ITPR1: variants seen among roughly 807,000 people sequenced by gnomAD.
ITPR1 encodes inositol 1,4,5-trisphosphate receptor type 1, also known as inositol 1,4,5-trisphosphate-gated calcium channel ITPR1.
A neutral mutation model predicts 318.4 loss-of-function variants in ITPR1; 96 were observed. The observed-to-expected ratio is 0.30, with a 90% confidence interval of 0.26 to 0.36. ITPR1 has a LOEUF of 0.36. Among genes scored for constraint, ITPR1 ranks in the 10% least tolerant of loss-of-function variants. ITPR1 has a pLI of 1.00. For missense variants in ITPR1, 2,440 were observed against 3,460.2 expected, an observed-to-expected ratio of 0.71 and a Z score of 7.40; for synonymous variants, 1,312 against 1,289.9, an observed-to-expected ratio of 1.02 and a Z score of -0.37.
intron 52 of ITPR1, among the ~76,000 whole-genome samples, chr3:4,788,589 G>A (rs1225629020): frequency 6.6e-6 from 1 of 152,152 alleles, no homozygotes; most frequent in African/African-American, 2.4e-5. Context: ...AGACTAAATC[G>A]TTTTACAGGC....
chr3:4,765,363 C>T (rs2045746529), intron 44 of ITPR1, among the ~76,000 whole-genome samples: 1 of 152,074 alleles, frequency 6.6e-6, no homozygotes, highest in Non-Finnish European at 1.5e-5. Flanking sequence ...GCAGACAGGA[C>T]AGATGTTTGT....
At chr3:4,585,367 C>T (rs2089787965) in intron 4 of ITPR1, among the ~76,000 whole-genome samples, 1 of 152,152 alleles carries the variant, frequency 6.6e-6, no homozygotes, top group African/African-American at 2.4e-5. Flanking sequence ...CCTTATCAGT[C>T]CTGGTACACA....
intron 44 of ITPR1, among the ~76,000 whole-genome samples, chr3:4,752,148 A>G (rs2044578713): frequency 1.3e-5 from 2 of 152,124 alleles, no homozygotes; most frequent in African/African-American, 4.8e-5. Context: ...TTAAAAATAT[A>G]TATATTTTAT....
At chr3:4,662,282 A>T (rs756873269) in intron 15 of ITPR1, 40 bp downstream of exon 15, 2 of 1,456,300 alleles carry the variant, frequency 1.4e-6, no homozygotes, top group East Asian at 4.9e-5. Flanking sequence ...GCCCTCCCGC[A>T]CTGAGAGTTT....
At chr3:4,738,030 T>C (rs182047544) in intron 44 of ITPR1, among the ~76,000 whole-genome samples, 7 of 152,156 alleles carry the variant, frequency 4.6e-5, no homozygotes, top group South Asian at 4.2e-4. Flanking sequence ...TGGACACTTA[T>C]AGGGGGAACG....
chr3:4,662,414 C>G (rs1012967565), intron 15 of ITPR1, among the ~76,000 whole-genome samples, 172 bp downstream of exon 15: 17 of 152,174 alleles, frequency 1.1e-4, no homozygotes, highest in Non-Finnish European at 1.9e-4. Flanking sequence ...CTTTTGCATT[C>G]ATTTTTTGAG....
At chr3:4,658,006 C>T in intron 12 of ITPR1, 118 bp from the exon 13 acceptor site, 1 of 973,156 alleles carries the variant, frequency 1.0e-6, no homozygotes, top group Non-Finnish European at 1.5e-6. Flanking sequence ...GGTCCTTTTC[C>T]TGCCAACTGC....
rs149204105 is a variant in ITPR1 at position 4,644,467 on chromosome 3, C to T, written c.624+233C>T. Among the ~76,000 whole-genome samples the T allele has an allele frequency of 1.6e-3, 243 of 152,320 alleles. 1 individual carries two copies. Among genetic ancestry groups the T allele is most frequent in the African/African-American group, 5.6e-3 (232 of 41,560 alleles). On this transcript the variant is annotated intron_variant, in intron 8 of 61. Transcript: ENST00000649015. Reference sequence around the variant, plus strand: ...CACTCTAGTGCTCAGTTTGTGAAGCCTTGCGTCACTGAGGGGTTGTTTTTT... The same window carrying T: ...CACTCTAGTGCTCAGTTTGTGAAGCTTTGCGTCACTGAGGGGTTGTTTTTT...
intron 31 of ITPR1, among the ~76,000 whole-genome samples, chr3:4,690,814 T>A (rs1405655940): frequency 6.6e-6 from 1 of 152,224 alleles, no homozygotes; most frequent in Non-Finnish European, 1.5e-5. Flanking sequence ...CTAATCTGGT[T>A]ATATAAGTCA....
intron 54 of ITPR1, among the ~76,000 whole-genome samples, chr3:4,802,519 C>T (rs768209381): frequency 1.3e-5 from 2 of 151,956 alleles, no homozygotes; most frequent in Non-Finnish European, 2.9e-5. Flanking sequence ...AAGGTATGGA[C>T]GTCAGAAATG....
intron 2 of ITPR1, among the ~76,000 whole-genome samples, chr3:4,500,197 T>G (rs1276337713): frequency 2.6e-5 from 4 of 152,088 alleles, no homozygotes; most frequent in Admixed American, 2.6e-4. Flanking sequence ...AAGAGGGAAA[T>G]TTTGTTTGTT....
chr3:4,507,332 A>G (rs1266982647), intron 2 of ITPR1, among the ~76,000 whole-genome samples: 1 of 152,212 alleles, frequency 6.6e-6, no homozygotes, highest in Admixed American at 6.5e-5. Flanking sequence ...TTGGGCCACC[A>G]GCTCCTAGAG....
At chr3:4,757,739 G>C (rs1313145076) in intron 44 of ITPR1, among the ~76,000 whole-genome samples, 2 of 152,198 alleles carry the variant, frequency 1.3e-5, no homozygotes, top group Non-Finnish European at 2.9e-5. Context: ...TGCATATAAA[G>C]CGCTTAGCGC....
At chr3:4,649,067 A>G (rs1453922489) in intron 10 of ITPR1, among the ~76,000 whole-genome samples, 1 of 152,154 alleles carries the variant, frequency 6.6e-6, no homozygotes, top group Non-Finnish European at 1.5e-5. Context: ...ACCACTTCTC[A>G]TGTGTAATTT....
At chr3:4,562,290 A>G (rs1271989332) in intron 4 of ITPR1, among the ~76,000 whole-genome samples, 1 of 152,178 alleles carries the variant, frequency 6.6e-6, no homozygotes, top group Non-Finnish European at 1.5e-5. Context: ...TTTTTCTAAG[A>G]AAAATTATTA....
intron 32 of ITPR1, among the ~76,000 whole-genome samples, chr3:4,692,642 G>A (rs1416002938): frequency 2.0e-5 from 3 of 152,128 alleles, no homozygotes; most frequent in African/African-American, 4.8e-5. Context: ...TGATGAAATC[G>A]ATTTATTCTT....
intron 4 of ITPR1, among the ~76,000 whole-genome samples, chr3:4,573,746 G>A (rs73102477): frequency 0.058 from 8,863 of 152,174 alleles, 886 homozygotes; most frequent in African/African-American, 0.2. Flanking sequence ...CTTCACAGAG[G>A]CCTTTCCAAA....
rs1194281843 is a variant in ITPR1 at position 4,768,665 on chromosome 3, G to T, written c.5880G>T (p.Lys1960Asn). 5.0e-6 allele frequency: 8 copies of T among 1,613,984 alleles called. 1 individual carries two copies. Among genetic ancestry groups the T allele is most frequent in the Non-Finnish European group, 6.8e-6 (8 of 1,179,892 alleles). Residue 1960 changes from lysine (K) to asparagine (N), a missense_variant, in exon 46 of 62, where the codon AAG becomes AAT. By Grantham distance (94) the Lys-to-Asn change is moderately conservative. This residue lies in a region of ITPR1 where 113 missense variants were observed against 103.6 expected (regional missense o/e 1.09). Coordinates refer to ENST00000649015, the MANE Select transcript of ITPR1 (RefSeq NM_001378452.1). The part of the protein sequence containing the change: ...PGEGTQATAD[K>N]AKDDLEMSAV... ...AGGGCACCCAGGCCACTGCCGACAA[G>T]GCCAAGGACGACCTGGAGATGAGCG... is the stretch of plus-strand genomic sequence containing the variant.
intron 19 of ITPR1, among the ~76,000 whole-genome samples, 156 bp from the exon 20 acceptor site, chr3:4,670,573 A>G (rs766789691): frequency 3.3e-5 from 5 of 152,230 alleles, no homozygotes; most frequent in South Asian, 2.1e-4. Context: ...GGGTTACAGT[A>G]TATGAAGATG....
Sources: allele counts gnomAD v4.1 joint callset (sites outside exome capture counted in the v4.1 genomes callset), GRCh38; gene constraint gnomAD v4.1.1; regional missense constraint gnomAD v4.1.1; transcripts MANE v1.5; gene names NCBI Gene and HGNC (gene_info 2026-07-23, HGNC 2026-07-21).